Variants in CRPPA observed in about 807,000 individuals in gnomAD.
CRPPA encodes D-ribitol-5-phosphate cytidylyltransferase.
A neutral mutation model predicts 52.0 loss-of-function variants in CRPPA; 43 were observed. The observed-to-expected ratio is 0.83, with a 90% CI of 0.65 to 1.07. The LOEUF is 1.07. CRPPA is among the 50% of genes least tolerant of loss of function. The pLI is 0.00. For missense variants in CRPPA, 629 were observed against 551.7 expected (o/e 1.14, Z -1.40); for synonymous variants, 250 against 203.5 (o/e 1.23, Z -1.94).
intron 9 of CRPPA, among the ~76,000 whole-genome samples, chr7:16,132,052 G>A (rs967357235): frequency 2.6e-5 from 4 of 152,154 alleles, no homozygotes; most frequent in African/African-American, 4.8e-5. Flanking sequence ...TGCAGTGGGT[G>A]GGAATACCGA....
At chr7:16,148,576 G>A (rs374007474) in intron 9 of CRPPA, among the ~76,000 whole-genome samples, 1 of 152,210 alleles carries the variant, frequency 6.6e-6, no homozygotes, top group African/African-American at 2.4e-5. Context: ...GTAAGTGAGA[G>A]CTAAAACAAT....
intron 9 of CRPPA, among the ~76,000 whole-genome samples, chr7:16,205,737 C>T (rs1258148681): frequency 6.6e-6 from 1 of 151,178 alleles, no homozygotes; most frequent in African/African-American, 2.4e-5. Context: ...CCTCTTACTA[C>T]AGTGAGAAAA....
intron 9 of CRPPA, among the ~76,000 whole-genome samples, chr7:16,141,914 C>A (rs1459534487): frequency 6.6e-6 from 1 of 152,134 alleles, no homozygotes; most frequent in Non-Finnish European, 1.5e-5. Context: ...ATTGTCCTCA[C>A]ACACACTGTC....
At chr7:16,150,234 G>C (rs1241800878) in intron 9 of CRPPA, among the ~76,000 whole-genome samples, 1 of 152,076 alleles carries the variant, frequency 6.6e-6, no homozygotes, top group Non-Finnish European at 1.5e-5. Flanking sequence ...TGAATATTTA[G>C]TGGAATAGGA....
chr7:16,127,410 C>A (rs894945091), intron 9 of CRPPA, among the ~76,000 whole-genome samples: 4 of 151,890 alleles, frequency 2.6e-5, no homozygotes, highest in Non-Finnish European at 5.9e-5. Context: ...TTAAATGTAA[C>A]CTCCTTTTCA....
intron 2 of CRPPA, 120 bp from the exon 3 acceptor site, chr7:16,376,361 A>G (rs1786885815): frequency 1.0e-6 from 1 of 996,818 alleles, no homozygotes; most frequent in South Asian, 1.9e-5. Context: ...TACCTTAAGA[A>G]AACATCTGAG....
chr7:16,403,312 T>C (rs1402298960), intron 2 of CRPPA, among the ~76,000 whole-genome samples: 2 of 152,212 alleles, frequency 1.3e-5, no homozygotes, highest in African/African-American at 2.4e-5. Flanking sequence ...GTCCTTGTGA[T>C]GCTTTTGAGC....
chr7:16,187,853 T>G (rs75168823), intron 9 of CRPPA, among the ~76,000 whole-genome samples: 1,927 of 152,170 alleles, frequency 0.013, 17 homozygotes, highest in South Asian at 0.046. Flanking sequence ...AGGAATAATG[T>G]AACGAAGAGT....
intron 9 of CRPPA, among the ~76,000 whole-genome samples, chr7:16,202,046 A>C (rs2128393804): frequency 6.6e-6 from 1 of 152,290 alleles, no homozygotes; most frequent in African/African-American, 2.4e-5. Flanking sequence ...ATTTGCTAAG[A>C]GTTTATCATG....
chr7:16,273,156 A>T (rs1295133), intron 6 of CRPPA, among the ~76,000 whole-genome samples: 1 of 143,246 alleles, frequency 7.0e-6, no homozygotes, highest in African/African-American at 2.6e-5. Flanking sequence ...AAAGAACTGC[A>T]TAGTACTGAT....
intron 9 of CRPPA, among the ~76,000 whole-genome samples, chr7:16,207,280 C>G (rs186497846): frequency 1.3e-5 from 2 of 152,188 alleles, no homozygotes; most frequent in Non-Finnish European, 2.9e-5. Context: ...AAATGATATA[C>G]AGCATCTATT....
intron 4 of CRPPA, 91 bp from the exon 5 acceptor site, chr7:16,301,557 T>C: frequency 1.1e-6 from 1 of 895,542 alleles, no homozygotes; most frequent in Non-Finnish European, 1.8e-6. Context: ...TCTTGATTTT[T>C]CAGAAGCTAT....
At chr7:16,124,512 G>A (rs1782538475) in intron 9 of CRPPA, among the ~76,000 whole-genome samples, 2 of 152,156 alleles carry the variant, frequency 1.3e-5, no homozygotes, top group African/African-American at 4.8e-5. Flanking sequence ...TCACTCATAT[G>A]TGGAAGCTAA....
chr7:16,140,585 G>A (rs1486173325), intron 9 of CRPPA, among the ~76,000 whole-genome samples: 1 of 152,174 alleles, frequency 6.6e-6, no homozygotes, highest in Non-Finnish European at 1.5e-5. Context: ...TGTGATCTGT[G>A]AAATACTTCT....
At chr7:16,099,885 T>C (rs1263108848) in intron 9 of CRPPA, among the ~76,000 whole-genome samples, 1 of 152,180 alleles carries the variant, frequency 6.6e-6, no homozygotes, top group East Asian at 1.9e-4. Flanking sequence ...ACCCAGCAAT[T>C]ACCAACACCT....
intron 9 of CRPPA, among the ~76,000 whole-genome samples, chr7:16,181,187 T>G (rs1206583381): frequency 6.6e-6 from 1 of 151,928 alleles, no homozygotes; most frequent in Non-Finnish European, 1.5e-5. Flanking sequence ...GATTAAATAA[T>G]TTTTATTTTA....
At chr7:16,206,176 T>TCCC (rs951341129) in intron 9 of CRPPA, among the ~76,000 whole-genome samples, 1 of 152,090 alleles carries the variant, frequency 6.6e-6, no homozygotes, top group Non-Finnish European at 1.5e-5. Flanking sequence ...CAGAAGCATA[T>TCCC]CCCCAGTGGA....
At chr7:16,271,366 G>T (rs1784086236) in intron 6 of CRPPA, among the ~76,000 whole-genome samples, 1 of 152,150 alleles carries the variant, frequency 6.6e-6, no homozygotes, top group Non-Finnish European at 1.5e-5. Flanking sequence ...TAATCTTCTT[G>T]TAAAGGTAAA....
intron 9 of CRPPA, among the ~76,000 whole-genome samples, chr7:16,113,881 G>T (rs751432059): frequency 6.6e-6 from 1 of 151,898 alleles, no homozygotes; most frequent in Non-Finnish European, 1.5e-5. Context: ...GAGCAGGAAG[G>T]CATGGAAAAT....
Sources: allele counts gnomAD v4.1 joint callset (sites outside exome capture counted in the v4.1 genomes callset), GRCh38; gene constraint gnomAD v4.1.1; transcripts MANE v1.5; gene names NCBI Gene and HGNC (gene_info 2026-07-23, HGNC 2026-07-21).